MVB12B: variants seen among roughly 807,000 people sequenced by gnomAD.
MVB12B encodes multivesicular body subunit 12B.
Under a neutral mutation model 41.6 loss-of-function variants are expected in MVB12B, and 16 were observed. The observed-to-expected ratio is 0.38, with a 90% CI of 0.26 to 0.58. The LOEUF (loss-of-function observed/expected upper bound fraction) is 0.58, where lower values mean the gene tolerates loss of function less well. MVB12B is among the 20% of genes least tolerant of loss of function. MVB12B has a pLI of 0.62. For synonymous variants in MVB12B, 133 were observed against 139.7 expected (o/e 0.95, Z 0.34); for missense variants, 274 against 380.2 (o/e 0.72, Z 2.32).
At chr9:126,416,803 C>A (rs547477944) in intron 6 of MVB12B, among the ~76,000 whole-genome samples, 1 of 151,876 alleles carries the variant, frequency 6.6e-6, no homozygotes, top group South Asian at 2.1e-4. Flanking sequence ...ATATTGAGGA[C>A]CCCCAGCCCA....
At chr9:126,378,085 T>TG (rs1235520388) in intron 2 of MVB12B, among the ~76,000 whole-genome samples, 1 of 152,352 alleles carries the variant, frequency 6.6e-6, no homozygotes, top group East Asian at 1.9e-4. Context: ...AACTCCATGT[T>TG]GCGCATGCTG....
intron 7 of MVB12B, among the ~76,000 whole-genome samples, chr9:126,438,202 A>T (rs773956353): frequency 6.6e-6 from 1 of 152,218 alleles, no homozygotes; most frequent in African/African-American, 2.4e-5. Context: ...CAGATTCTAC[A>T]TGCTAAGGGA....
chr9:126,433,033 C>G (rs1276437764), intron 7 of MVB12B, among the ~76,000 whole-genome samples: 1 of 152,182 alleles, frequency 6.6e-6, no homozygotes. Flanking sequence ...GGGGGTGTGG[C>G]TCCCATCACT....
At position 126,386,711 on chromosome 9, in the gene MVB12B, T is replaced by C. The variant is rs1182154050; in HGVS notation, c.409+53T>C. 14 of 1,338,032 alleles carry C rather than the reference T, an allele frequency of 1.0e-5. No individual in the cohort carries two copies. The East Asian group carries it at 3.2e-4, about 31-fold the overall frequency. 82.9% of individuals were successfully genotyped at this position (1,338,032 alleles called of 1,614,324 possible). ...ACAATGAGCGTTTTCTTCCTCCAGGTATATTTGTAGGTGTTTTTCTATGTG... is the reference window on the plus strand; with the variant it reads ...ACAATGAGCGTTTTCTTCCTCCAGGCATATTTGTAGGTGTTTTTCTATGTG... On this transcript the variant is annotated intron_variant, in intron 4 of 9. Coordinates refer to ENST00000361171, the MANE Select transcript of MVB12B (RefSeq NM_033446.3). This position sits in a 1 kb window ranked among gnomAD's most constrained non-coding sequence, Gnocchi z 4.3.
At chr9:126,362,606 A>G (rs1188303793) in intron 2 of MVB12B, among the ~76,000 whole-genome samples, 1 of 152,242 alleles carries the variant, frequency 6.6e-6, no homozygotes, top group African/African-American at 2.4e-5. Context: ...TATCCAAGGA[A>G]GAAATTGGAA....
At chr9:126,429,169 A>T (rs1346652073) in intron 7 of MVB12B, among the ~76,000 whole-genome samples, 1 of 152,190 alleles carries the variant, frequency 6.6e-6, no homozygotes, top group Non-Finnish European at 1.5e-5. Context: ...ATACATTTTT[A>T]TCATCACCTA....
At chr9:126,401,794 CAT>C (rs1432792063) in intron 6 of MVB12B, among the ~76,000 whole-genome samples, 3 of 152,244 alleles carry the variant, frequency 2.0e-5, no homozygotes, top group Admixed American at 1.3e-4. Context: ...GGATCAACTC[CAT>C]TACTTTCTGA....
intron 2 of MVB12B, among the ~76,000 whole-genome samples, chr9:126,341,088 T>C (rs1274092785): frequency 1.3e-5 from 2 of 152,248 alleles, no homozygotes; most frequent in Non-Finnish European, 2.9e-5. Flanking sequence ...GGCAAGTAGC[T>C]GTATCACCTC....
chr9:126,500,931 C>G (rs2119242048), intron 9 of MVB12B, among the ~76,000 whole-genome samples: 1 of 152,344 alleles, frequency 6.6e-6, no homozygotes, highest in South Asian at 2.1e-4. Context: ...CTGGGCTGTG[C>G]TGGGCATGCC....
chr9:126,404,153 C>G (rs934807941), intron 6 of MVB12B, among the ~76,000 whole-genome samples: 4 of 151,966 alleles, frequency 2.6e-5, no homozygotes, highest in Non-Finnish European at 4.4e-5. Flanking sequence ...TGGGGTTTCA[C>G]CATATTGGCC....
At chr9:126,485,676 A>T (rs924277018) in intron 9 of MVB12B, among the ~76,000 whole-genome samples, 1 of 151,854 alleles carries the variant, frequency 6.6e-6, no homozygotes, top group Non-Finnish European at 1.5e-5. Context: ...ACTGTGCTTC[A>T]TGAGGTCAGG....
chr9:126,382,464 C>T (rs892079265), intron 3 of MVB12B, among the ~76,000 whole-genome samples: 2 of 152,172 alleles, frequency 1.3e-5, no homozygotes, highest in African/African-American at 4.8e-5. Context: ...ACACAAAAGT[C>T]TGGAAATCTT....
At chr9:126,408,282 A>G (rs1831508256) in intron 6 of MVB12B, 1 of 152,240 alleles carries the variant, frequency 6.6e-6, no homozygotes, top group African/African-American at 2.4e-5. Context: ...CACAACTTCA[A>G]TTAGTTTGCT....
intron 7 of MVB12B, among the ~76,000 whole-genome samples, chr9:126,460,964 A>G (rs1476895280): frequency 6.6e-6 from 1 of 152,210 alleles, no homozygotes; most frequent in Non-Finnish European, 1.5e-5. Context: ...CATTTGAACA[A>G]CGTTTTGAGT....
intron 9 of MVB12B, among the ~76,000 whole-genome samples, chr9:126,499,666 A>G (rs1458243984): frequency 1.3e-5 from 2 of 151,656 alleles, no homozygotes; most frequent in Non-Finnish European, 2.9e-5. Flanking sequence ...AGAGGGGATT[A>G]TGTCGCGGGA....
In MVB12B at chr9:126,391,706, TAAAAA is replaced by T. The variant is rs1321774080; in HGVS notation, c.410-359_410-355del. 1.3e-5 allele frequency among the ~76,000 whole-genome samples: 2 copies of T among 152,190 alleles called. No homozygotes were observed. The highest frequency in any genetic ancestry group is 6.5e-5 in the Admixed American group (1 of 15,274). ...GGGGTATGTTTGAAGATTTCTGTAA[TAAAAA>T]GAAAAGAAGTCCGTGTGGTGAAATG... On this transcript the variant is annotated intron_variant, in intron 4 of 9. Coordinates refer to ENST00000361171, the MANE Select transcript of MVB12B (RefSeq NM_033446.3). This position sits in a 1 kb window ranked among gnomAD's most constrained non-coding sequence, Gnocchi z 4.4.
At chr9:126,351,765 G>T (rs1829755411) in intron 2 of MVB12B, among the ~76,000 whole-genome samples, 1 of 152,124 alleles carries the variant, frequency 6.6e-6, no homozygotes, top group South Asian at 2.1e-4. Context: ...TGGGATTACA[G>T]GCTTGAGCCA....
chr9:126,446,284 G>C (rs1330519097), intron 7 of MVB12B, among the ~76,000 whole-genome samples: 1 of 151,864 alleles, frequency 6.6e-6, no homozygotes, highest in Non-Finnish European at 1.5e-5. Flanking sequence ...CATTTAGAAA[G>C]TTATTGTTAT....
Position 126,351,483 on chromosome 9 carries a change from C to CTTTTTTT in MVB12B, c.204+10870_204+10876dup, listed in dbSNP as rs34141510. Among the ~76,000 whole-genome samples the CTTTTTTT allele has an allele frequency of 2.2e-4, 19 of 86,318 alleles. 1 individual carries two copies. Among genetic ancestry groups the CTTTTTTT allele is most frequent in the Admixed American group, 3.2e-4 (2 of 6,294 alleles). The allele number at this position is 86,318 out of a possible 152,430, so 56.6% of individuals were successfully genotyped here. A position where few individuals can be genotyped will look rare whatever the true frequency, so the allele number is the denominator to read the frequency against. On this transcript the variant is annotated intron_variant, in intron 2 of 9. Transcript: ENST00000361171. ...GGTGGAAAACATTCAGTCTTTCACTCTTTTTTTTTTTTTTTTTTTTTTTGA... is the reference window on the plus strand; with the variant it reads ...GGTGGAAAACATTCAGTCTTTCACTCTTTTTTTTTTTTTTTTTTTTTTTTTTTTTTGA...
Sources: allele counts gnomAD v4.1 joint callset (sites outside exome capture counted in the v4.1 genomes callset), GRCh38; gene constraint gnomAD v4.1.1; non-coding constraint Gnocchi (gnomAD v3.1); transcripts MANE v1.5; gene names NCBI Gene and HGNC (gene_info 2026-07-23, HGNC 2026-07-21).